Variants in TRIM67 observed in about 807,000 individuals in gnomAD.
TRIM67 encodes the protein tripartite motif containing 67, also known as tripartite motif-containing protein 67.
In TRIM67, 39 loss-of-function variants were observed where a neutral mutation model predicts 71.0. The observed-to-expected ratio is 0.55, with a 90% CI of 0.43 to 0.72. TRIM67 has a LOEUF of 0.72. Ranked by LOEUF, TRIM67 falls within the 30% of genes least tolerant of loss-of-function variation. The pLI is 0.00. For synonymous variants in TRIM67, 481 were observed against 473.9 expected (o/e 1.01, Z -0.19); for missense variants, 973 against 1,079.2 (o/e 0.90, Z 1.38).
rs1186384148 is a variant in TRIM67, at chr1:231,219,403, T to C, written c.*3963T>C. The stretch of plus-strand genomic sequence containing the variant: ...GTCATGCATGGATCTGTAGAGGGAC[T>C]GTGGCGCTCCGGCTGCTTTGTTCCA... On this transcript the variant is annotated 3_prime_UTR_variant, in exon 10 of 10. Transcript: ENST00000366653. The C allele has an allele frequency of 2.0e-6, 2 of 1,012,018 alleles. No individual in the cohort carries two copies. The highest frequency in any genetic ancestry group is 4.1e-5 in the South Asian group (1 of 24,364). 62.7% of individuals were successfully genotyped at this position (1,012,018 alleles called of 1,614,324 possible).
chr1:231,216,262 G>GCTCTCTTTCC lies in TRIM67; in HGVS notation c.*826_*835dup, dbSNP rs1159714340. 2.7e-5 allele frequency: 26 copies of GCTCTCTTTCC among 971,134 alleles called. No homozygotes were observed. The highest frequency in any genetic ancestry group is 2.9e-5 in the Non-Finnish European group (24 of 822,332). The allele number at this position is 971,134 out of a possible 1,614,324, so 60.2% of individuals were successfully genotyped here. On this transcript the variant is annotated 3_prime_UTR_variant, in exon 10 of 10. Transcript: ENST00000366653. ...TCCCTGCCTCTTTCTTCCCTCTTTC[G>GCTCTCTTTCC]CTCTCTTTCCCTCCCTCCTTCTCTC...
In TRIM67 at chr1:231,204,030, A is replaced by G; in HGVS notation, c.1680+18A>G. 1.2e-6 allele frequency: 2 copies of G among 1,613,250 alleles called. No individual in the cohort carries two copies. The highest frequency in any genetic ancestry group is 2.2e-5 in the South Asian group (2 of 91,030). ...AGTTCCGGGTGAGGCCTTGCTGCTT[A>G]TTTGGCGGGGATTGAGGGTACCAAT... On this transcript the variant is annotated intron_variant, in intron 6 of 9. Coordinates refer to ENST00000366653, the MANE Select transcript of TRIM67 (RefSeq NM_001004342.5).
At chr1:231,186,227 C>T in intron 1 of TRIM67, 4 of 1,421,706 alleles carry the variant, frequency 2.8e-6, no homozygotes, top group Admixed American at 2.0e-5. Flanking sequence ...GAAGGAGAGA[C>T]AAGAGTACAT....
chr1:231,182,643 A>G (rs1296354385), intron 1 of TRIM67, among the ~76,000 whole-genome samples: 4 of 152,206 alleles, frequency 2.6e-5, no homozygotes. Flanking sequence ...AGAGGCACAC[A>G]GCTCCTTGGC....
At chr1:231,186,061 G>C (rs1215675390) in intron 1 of TRIM67, 2 of 1,530,022 alleles carry the variant, frequency 1.3e-6, no homozygotes, top group South Asian at 1.2e-5. Context: ...GATGTTCCCC[G>C]TGAGCAGAAC....
At position 231,220,329 on chromosome 1, in the gene TRIM67, G is replaced by A. The variant is rs1043337246; in HGVS notation, c.*4889G>A. On this transcript the variant is annotated 3_prime_UTR_variant, in exon 10 of 10. Coordinates refer to ENST00000366653, the MANE Select transcript of TRIM67 (RefSeq NM_001004342.5). The stretch of plus-strand genomic sequence containing the variant: ...TATGTTTCCATTCCCGGCGAGGCCT[G>A]TTTGAATGGCGCTCTGTGTGAGTGC... 2 of 199,476 alleles carry A rather than the reference G, an allele frequency of 1.0e-5. No homozygotes were observed. Among genetic ancestry groups the A allele is most frequent in the Admixed American group, 1.1e-4 (2 of 18,346 alleles). 12.4% of individuals were successfully genotyped at this position (199,476 alleles called of 1,614,324 possible).
rs1184413580 is a variant in TRIM67 at position 231,219,602 on chromosome 1, C to T, written c.*4162C>T. ...CTGAAGATGCCCCCTGCCCGCTCCC[C>T]ACTTCCTAGAAAGCAAAACTCGTTA... On this transcript the variant is annotated 3_prime_UTR_variant, in exon 10 of 10. Coordinates refer to ENST00000366653, the MANE Select transcript of TRIM67 (RefSeq NM_001004342.5). The T allele has an allele frequency of 4.4e-6, 5 of 1,132,024 alleles. No homozygotes were observed. In the African/African-American group the frequency reaches 8.3e-5, roughly 19 times the overall value. 70.1% of individuals were successfully genotyped at this position (1,132,024 alleles called of 1,614,324 possible). A position where few individuals can be genotyped will look rare whatever the true frequency, so the allele number is the denominator to read the frequency against.
intron 5 of TRIM67, among the ~76,000 whole-genome samples, chr1:231,202,716 G>T (rs1423287277): frequency 6.6e-6 from 1 of 152,178 alleles, no homozygotes; most frequent in African/African-American, 2.4e-5. Context: ...ACATTGCCAT[G>T]CTCACTCCCA....
intron 1 of TRIM67, among the ~76,000 whole-genome samples, chr1:231,185,432 A>G (rs982090093): frequency 3.3e-5 from 5 of 151,826 alleles, no homozygotes; most frequent in African/African-American, 1.2e-4. Flanking sequence ...CGGGACCCCC[A>G]GGAAGTCTGT....
chr1:231,219,744 G>A lies in TRIM67; in HGVS notation c.*4304G>A. Reference sequence around the variant, plus strand: ...GATCTTATTGGCAAATATTCAAGATGGTGATGCTGGAAAATTTCAGGACTT... The same window carrying A: ...GATCTTATTGGCAAATATTCAAGATAGTGATGCTGGAAAATTTCAGGACTT... On this transcript the variant is annotated 3_prime_UTR_variant, in exon 10 of 10. Transcript: ENST00000366653. The A allele has an allele frequency of 8.3e-7, 1 of 1,200,166 alleles. No homozygotes were observed. Among genetic ancestry groups the A allele is most frequent in the Non-Finnish European group, 1.1e-6 (1 of 948,306 alleles). 74.3% of individuals were successfully genotyped at this position (1,200,166 alleles called of 1,614,324 possible).
intron 1 of TRIM67, among the ~76,000 whole-genome samples, chr1:231,195,637 G>A (rs1257512562): frequency 6.6e-6 from 1 of 152,232 alleles, no homozygotes; most frequent in African/African-American, 2.4e-5. Context: ...CTTGCGTGCT[G>A]GTGCTCCTGG....
Position 231,219,607 on chromosome 1 carries a change from C to T in TRIM67, c.*4167C>T. 8.8e-7 allele frequency: 1 copy of T among 1,134,822 alleles called. No individual in the cohort carries two copies. The highest frequency in any genetic ancestry group is 1.1e-6 in the Non-Finnish European group (1 of 916,588). The allele number at this position is 1,134,822 out of a possible 1,614,324, so 70.3% of individuals were successfully genotyped here. ...GATGCCCCCTGCCCGCTCCCCACTT[C>T]CTAGAAAGCAAAACTCGTTACCTTT... On this transcript the variant is annotated 3_prime_UTR_variant, in exon 10 of 10. Coordinates refer to ENST00000366653, the MANE Select transcript of TRIM67 (RefSeq NM_001004342.5).
intron 1 of TRIM67, among the ~76,000 whole-genome samples, chr1:231,179,223 G>A (rs569343297): frequency 6.6e-6 from 1 of 152,222 alleles, no homozygotes; most frequent in African/African-American, 2.4e-5. Flanking sequence ...GCTTGTGGTG[G>A]CTCCTTGGCT....
chr1:231,179,561 G>T (rs1212383614), intron 1 of TRIM67, among the ~76,000 whole-genome samples: 1 of 152,142 alleles, frequency 6.6e-6, no homozygotes, highest in East Asian at 1.9e-4. Context: ...GCAATTTTTT[G>T]AATTTTTGCA....
intron 8 of TRIM67, among the ~76,000 whole-genome samples, chr1:231,211,319 A>G (rs758841460): frequency 1.3e-5 from 2 of 152,036 alleles, no homozygotes; most frequent in Non-Finnish European, 2.9e-5. Context: ...GGCCATGAGA[A>G]GGTAGAGAGA....
At chr1:231,171,602 T>C (rs1043638323) in intron 1 of TRIM67, among the ~76,000 whole-genome samples, 1 of 152,162 alleles carries the variant, frequency 6.6e-6, no homozygotes, top group African/African-American at 2.4e-5. Flanking sequence ...GAGGGGGCTT[T>C]AGCAAATTCC....
At chr1:231,201,644 C>A (rs371918421) in intron 5 of TRIM67, 127 bp downstream of exon 5, 2 of 1,212,928 alleles carry the variant, frequency 1.6e-6, no homozygotes, top group East Asian at 2.6e-5. Context: ...AGAGCAGGAG[C>A]GCCAGAGTCA....
At position 231,217,609 on chromosome 1, in the gene TRIM67, C is replaced by T. The variant is rs910334968; in HGVS notation, c.*2169C>T. Reference sequence around the variant, plus strand: ...CTTCTGAAAAAAAAACAGGCCTACACCCTGCCCCCAGAATGAGAGTGGGCT... The same window carrying T: ...CTTCTGAAAAAAAAACAGGCCTACATCCTGCCCCCAGAATGAGAGTGGGCT... On this transcript the variant is annotated 3_prime_UTR_variant, in exon 10 of 10. Transcript: ENST00000366653. 4.5e-6 allele frequency: 5 copies of T among 1,120,100 alleles called. No individual in the cohort carries two copies. Among genetic ancestry groups the T allele is most frequent in the Non-Finnish European group, 5.5e-6 (5 of 902,894 alleles). The allele number at this position is 1,120,100 out of a possible 1,614,324, so 69.4% of individuals were successfully genotyped here.
chr1:231,190,698 A>G (rs1228142823), intron 1 of TRIM67, among the ~76,000 whole-genome samples: 2 of 152,010 alleles, frequency 1.3e-5, no homozygotes, highest in Non-Finnish European at 1.5e-5. Flanking sequence ...GCATGGAGCA[A>G]AGTCTCTGTG....
Sources: allele counts gnomAD v4.1 joint callset (sites outside exome capture counted in the v4.1 genomes callset), GRCh38; gene constraint gnomAD v4.1.1; transcripts MANE v1.5; gene names NCBI Gene and HGNC (gene_info 2026-07-23, HGNC 2026-07-21).